Variants in LRRC4C observed in about 807,000 individuals in gnomAD.
LRRC4C encodes the protein leucine-rich repeat-containing protein 4C.
Under a neutral mutation model 33.6 loss-of-function variants are expected in LRRC4C, and 5 were observed. That is an observed-to-expected ratio of 0.15 (90% CI 0.08 to 0.31). LRRC4C has a LOEUF of 0.31. Ranked by LOEUF, LRRC4C falls within the 10% of genes least tolerant of loss-of-function variation. The pLI, the probability that LRRC4C is intolerant of heterozygous loss-of-function variation, is 1.00. For missense variants in LRRC4C, 560 were observed against 796.7 expected (o/e 0.70, Z 3.58); for synonymous variants, 329 against 302.0 (o/e 1.09, Z -0.93).
chr11:41,331,760 A>G (rs1951302114), intron 1 of LRRC4C, among the ~76,000 whole-genome samples: 6 of 152,198 alleles, frequency 3.9e-5, no homozygotes, highest in Admixed American at 2.0e-4. Flanking sequence ...GATGAAATAC[A>G]GCCTAAATAT....
intron 3 of LRRC4C, among the ~76,000 whole-genome samples, chr11:40,541,088 C>CA (rs970882015): frequency 6.6e-6 from 1 of 152,024 alleles, no homozygotes; most frequent in Admixed American, 6.6e-5. Context: ...ATGAGGCACA[C>CA]AAAAAAACTT....
chr11:41,191,672 A>C (rs1249765240), intron 1 of LRRC4C, among the ~76,000 whole-genome samples: 1 of 152,104 alleles, frequency 6.6e-6, no homozygotes, highest in Non-Finnish European at 1.5e-5. Context: ...TTGCATTACA[A>C]CTCGGGTGCT....
intron 1 of LRRC4C, among the ~76,000 whole-genome samples, chr11:40,952,398 A>G (rs1266813438): frequency 1.3e-5 from 2 of 151,766 alleles, no homozygotes; most frequent in African/African-American, 4.8e-5. Context: ...TATACTGAAC[A>G]TTTTCTATGA....
chr11:41,269,791 C>A (rs1376163970), intron 1 of LRRC4C, among the ~76,000 whole-genome samples: 1 of 152,110 alleles, frequency 6.6e-6, no homozygotes, highest in African/African-American at 2.4e-5. Flanking sequence ...GCATCAGTCT[C>A]TGTAACCAAC....
At chr11:40,536,570 A>T (rs1272084179) in intron 3 of LRRC4C, among the ~76,000 whole-genome samples, 1 of 152,080 alleles carries the variant, frequency 6.6e-6, no homozygotes, top group Non-Finnish European at 1.5e-5. Flanking sequence ...CAATCAAGCT[A>T]TATTACTTTT....
At chr11:40,710,791 C>T (rs1171242134) in intron 2 of LRRC4C, among the ~76,000 whole-genome samples, 1 of 152,212 alleles carries the variant, frequency 6.6e-6, no homozygotes, top group Non-Finnish European at 1.5e-5. Context: ...TTCAGCTATA[C>T]CCTGCCCCCA....
At chr11:40,696,540 AT>A (rs1303155377) in intron 2 of LRRC4C, among the ~76,000 whole-genome samples, 6 of 148,592 alleles carry the variant, frequency 4.0e-5, no homozygotes, top group Non-Finnish European at 7.4e-5. Flanking sequence ...TGGTAGTGGT[AT>A]TTTTCTTTTT....
chr11:40,931,160 A>G (rs906765807), intron 2 of LRRC4C, among the ~76,000 whole-genome samples: 2 of 152,186 alleles, frequency 1.3e-5, no homozygotes, highest in Non-Finnish European at 1.5e-5. Flanking sequence ...AAAAGAATCA[A>G]ACAGCAAACA....
rs35303507 is a variant in LRRC4C, at chr11:41,390,983, TA to T, written c.-496+68447del. 6.7e-3 allele frequency among the ~76,000 whole-genome samples: 936 copies of T among 139,614 alleles called. 3 individuals are homozygous for T. Among genetic ancestry groups the T allele is most frequent in the Middle Eastern group, 0.011 (3 of 268 alleles). The allele number at this position is 139,614 out of a possible 152,430, so 91.6% of individuals were successfully genotyped here. A position where few individuals can be genotyped will look rare whatever the true frequency, so the allele number is the denominator to read the frequency against. The stretch of plus-strand genomic sequence containing the variant: ...ATACAGGGTTGAGGTTTGCTTTAAT[TA>T]AAAAAAAAAAAAAAGTGTCCTGCCT... On this transcript the variant is annotated intron_variant, in intron 1 of 6. Coordinates refer to ENST00000528697, the MANE Select transcript of LRRC4C (RefSeq NM_001258419.2).
chr11:41,451,627 G>A (rs1201482463), intron 1 of LRRC4C, among the ~76,000 whole-genome samples: 1 of 152,090 alleles, frequency 6.6e-6, no homozygotes, highest in Non-Finnish European at 1.5e-5. Context: ...GCATCAACCA[G>A]ATGAACACAG....
At chr11:40,501,803 C>T (rs182056016) in intron 3 of LRRC4C, among the ~76,000 whole-genome samples, 1 of 152,192 alleles carries the variant, frequency 6.6e-6, no homozygotes, top group Non-Finnish European at 1.5e-5. Flanking sequence ...GATTAACACT[C>T]GTCTCTGTGT....
intron 1 of LRRC4C, among the ~76,000 whole-genome samples, chr11:41,354,340 A>G (rs1366891765): frequency 6.6e-6 from 1 of 152,142 alleles, no homozygotes; most frequent in Non-Finnish European, 1.5e-5. Flanking sequence ...CTCCACAAGG[A>G]GAATTACAAA....
chr11:40,957,426 ATC>A (rs1003346033), intron 1 of LRRC4C, among the ~76,000 whole-genome samples: 6 of 151,576 alleles, frequency 4.0e-5, no homozygotes, highest in Non-Finnish European at 7.4e-5. Flanking sequence ...TTACAGATAT[ATC>A]TCTCTATTTC....
intron 5 of LRRC4C, among the ~76,000 whole-genome samples, chr11:40,232,787 C>G (rs907585974): frequency 1.3e-5 from 2 of 152,298 alleles, no homozygotes; most frequent in African/African-American, 4.8e-5. Flanking sequence ...AGACTGTTTA[C>G]TCCTAATACA....
At chr11:40,474,471 A>G (rs1590851934) in intron 3 of LRRC4C, among the ~76,000 whole-genome samples, 2 of 152,218 alleles carry the variant, frequency 1.3e-5, no homozygotes, top group South Asian at 2.1e-4. Context: ...ACCTAAAACC[A>G]TAAAAACCCT....
At chr11:41,031,861 T>C (rs1856747182) in intron 1 of LRRC4C, among the ~76,000 whole-genome samples, 1 of 152,022 alleles carries the variant, frequency 6.6e-6, no homozygotes, top group Non-Finnish European at 1.5e-5. Flanking sequence ...GCCAGAGTTC[T>C]GATTCTGGAT....
At chr11:40,562,729 G>T (rs1329304493) in intron 3 of LRRC4C, among the ~76,000 whole-genome samples, 1 of 152,112 alleles carries the variant, frequency 6.6e-6, no homozygotes, top group Admixed American at 6.6e-5. Flanking sequence ...CAGACCCTCT[G>T]CAGAGTTCAC....
At chr11:40,712,825 A>G (rs1254169469) in intron 2 of LRRC4C, among the ~76,000 whole-genome samples, 1 of 152,046 alleles carries the variant, frequency 6.6e-6, no homozygotes, top group African/African-American at 2.4e-5. Context: ...CATTCATCCC[A>G]AAGTCATATT....
At chr11:41,330,177 T>C (rs373016419) in intron 1 of LRRC4C, among the ~76,000 whole-genome samples, 95 of 152,282 alleles carry the variant, frequency 6.2e-4, no homozygotes, top group African/African-American at 2.1e-3. Context: ...TGAGTCTGGG[T>C]AGAGGGAAGA....
Sources: gnomAD v4.1 joint callset for allele counts (sites outside exome capture counted in the v4.1 genomes callset) on GRCh38, gnomAD v4.1.1 for gene constraint, MANE v1.5 for transcripts, NCBI Gene and HGNC (gene_info 2026-07-23, HGNC 2026-07-21) for gene names.